SPATS2: variants seen among roughly 807,000 people sequenced by gnomAD.
SPATS2 encodes spermatogenesis associated serine rich 2.
In SPATS2, 38 loss-of-function variants were observed where a neutral mutation model predicts 63.7. That is an observed-to-expected ratio of 0.60 (90% CI 0.46 to 0.78). SPATS2 has a LOEUF of 0.78. Ranked by LOEUF, SPATS2 falls within the 30% of genes least tolerant of loss-of-function variation. The pLI, the probability that SPATS2 is intolerant of heterozygous loss-of-function variation, is 0.00. For synonymous variants in SPATS2, 207 were observed against 232.9 expected, an observed-to-expected ratio of 0.89 and a Z score of 1.01; for missense variants, 588 against 666.2, an observed-to-expected ratio of 0.88 and a Z score of 1.29.
rs374707197 is a variant in SPATS2 at position 49,455,507 on chromosome 12, A to C, written c.-243-5263A>C. ...TCTGCAGCCTCAGCTTCCCGGGCTC[A>C]AGCAGTGCCCCCACCTTAGCCTTCC... On this transcript the variant is annotated intron_variant, in intron 2 of 13. Coordinates refer to ENST00000552918, the MANE Select transcript of SPATS2 (RefSeq NM_023071.4). Among the ~76,000 whole-genome samples, 72 of 152,324 alleles carry C rather than the reference A, an allele frequency of 4.7e-4. No homozygotes were observed. The South Asian group carries it at 0.012, about 26-fold the overall frequency.
chr12:49,517,928 G>A (rs1223063626), intron 10 of SPATS2, among the ~76,000 whole-genome samples: 1 of 152,078 alleles, frequency 6.6e-6, no homozygotes, highest in African/African-American at 2.4e-5. Flanking sequence ...TCAGCTAATG[G>A]TCTTTGCTAC....
At chr12:49,431,841 T>C (rs1945191379) in intron 2 of SPATS2, among the ~76,000 whole-genome samples, 1 of 151,910 alleles carries the variant, frequency 6.6e-6, no homozygotes, top group South Asian at 2.1e-4. Flanking sequence ...GAGACCAGCA[T>C]GAGCAACATA....
At chr12:49,388,407 T>G (rs1284653350) in intron 2 of SPATS2, among the ~76,000 whole-genome samples, 1 of 151,934 alleles carries the variant, frequency 6.6e-6, no homozygotes, top group African/African-American at 2.4e-5. Flanking sequence ...AGGGTCTCTC[T>G]CTGTCACCCT....
intron 2 of SPATS2, among the ~76,000 whole-genome samples, chr12:49,374,089 TAA>T (rs553761283): frequency 6.9e-6 from 1 of 144,180 alleles, no homozygotes. Flanking sequence ...CTCTAAACAA[TAA>T]AAAAAAAAAA....
rs1362410540 is a variant in SPATS2 at position 49,494,924 on chromosome 12, G to A, written c.448G>A (p.Gly150Ser). 1.2e-6 allele frequency: 2 copies of A among 1,614,028 alleles called. No homozygotes were observed. The highest frequency in any genetic ancestry group is 8.5e-7 in the Non-Finnish European group (1 of 1,180,000). ...DTESVDSLSE[G>S]LETLSIDARE... The stretch of plus-strand genomic sequence containing the variant: ...TGAGTCTGTGGACTCACTCAGTGAA[G>A]GTTTGGAGACACTTTCAATAGATGC... Residue 150 changes from glycine (G) to serine (S), a missense_variant, in exon 7 of 14, where the codon GGT (glycine) becomes AGT (serine). By Grantham distance (56) the Gly-to-Ser change is moderately conservative. Transcript: ENST00000552918.
chr12:49,389,804 C>A, intron 2 of SPATS2: 1 of 1,063,434 alleles, frequency 9.4e-7, no homozygotes, highest in Non-Finnish European at 1.5e-6. Flanking sequence ...ATCAGTCGGC[C>A]TTGGAACTTA....
At chr12:49,460,740 G>C (rs1945807815) in intron 2 of SPATS2, 30 bp from the exon 3 acceptor site, 1 of 488,040 alleles carries the variant, frequency 2.0e-6, no homozygotes, top group Non-Finnish European at 3.7e-6. Flanking sequence ...TACTGTAATA[G>C]TATATGTGTG....
At position 49,433,992 on chromosome 12, in the gene SPATS2, C is replaced by A. The variant is rs4127744; in HGVS notation, c.-243-26778C>A. On this transcript the variant is annotated intron_variant, in intron 2 of 13. Transcript: ENST00000552918. ...GTAACGGTCCAGCTTCATTCTTTTG[C>A]ATGTAGATATCCAGTTTTCCCAACG... Among the ~76,000 whole-genome samples the A allele has an allele frequency of 4.9e-3, 753 of 152,262 alleles. 6 individuals carry two copies. The highest frequency in any genetic ancestry group is 0.017 in the African/African-American group (701 of 41,550).
intron 3 of SPATS2, among the ~76,000 whole-genome samples, chr12:49,467,065 T>G (rs1945932195): frequency 7.0e-6 from 1 of 143,504 alleles, no homozygotes; most frequent in African/African-American, 2.6e-5. Flanking sequence ...TTTTTTTTTT[T>G]TTTTTGATGG....
intron 2 of SPATS2, among the ~76,000 whole-genome samples, chr12:49,413,454 G>A (rs187611504): frequency 2.0e-5 from 3 of 151,986 alleles, no homozygotes; most frequent in African/African-American, 7.2e-5. Context: ...GGAACTCCTG[G>A]GTTCAAGTGA....
chr12:49,446,968 G>A (rs1185446012), intron 2 of SPATS2, among the ~76,000 whole-genome samples: 10 of 148,054 alleles, frequency 6.8e-5, no homozygotes, highest in African/African-American at 1.8e-4. Flanking sequence ...TTACTCTGTC[G>A]CCCAGGCTGG....
chr12:49,409,760 AC>A (rs1313278733), intron 2 of SPATS2, among the ~76,000 whole-genome samples: 2 of 150,600 alleles, frequency 1.3e-5, no homozygotes, highest in East Asian at 4.0e-4. Context: ...GCTCCATGAC[AC>A]CCGGCTAATT....
chr12:49,450,328 C>A (rs1224874118), intron 2 of SPATS2, among the ~76,000 whole-genome samples: 1 of 151,960 alleles, frequency 6.6e-6, no homozygotes, highest in Non-Finnish European at 1.5e-5. Context: ...CGGCTCACTG[C>A]AAGCTCCACC....
chr12:49,467,044 GTTTTTTTTTT>G (rs59350335), intron 3 of SPATS2, among the ~76,000 whole-genome samples: 6 of 75,768 alleles, frequency 7.9e-5, no homozygotes, highest in East Asian at 3.9e-4. Flanking sequence ...TTTGTTCTTT[GTTTTTTTTTT>G]TTTTTTTTTT....
At chr12:49,510,292 C>T (rs117238595) in intron 9 of SPATS2, among the ~76,000 whole-genome samples, 11 of 149,360 alleles carry the variant, frequency 7.4e-5, no homozygotes, top group South Asian at 6.4e-4. Flanking sequence ...CCAGGTACAG[C>T]GGTTCATGCC....
intron 2 of SPATS2, among the ~76,000 whole-genome samples, chr12:49,402,567 G>A (rs776160991): frequency 3.3e-5 from 5 of 152,142 alleles, no homozygotes; most frequent in South Asian, 2.1e-4. Context: ...CGAGATTGTC[G>A]TATGAGAGGT....
intron 10 of SPATS2, 97 bp downstream of exon 10, chr12:49,514,710 A>T: frequency 9.9e-7 from 1 of 1,008,446 alleles, no homozygotes; most frequent in Non-Finnish European, 1.5e-6. Context: ...AAATACCATA[A>T]TAAGAGTTTA....
At chr12:49,400,077 T>TA (rs1415340435) in intron 2 of SPATS2, among the ~76,000 whole-genome samples, 1 of 152,196 alleles carries the variant, frequency 6.6e-6, no homozygotes, top group African/African-American at 2.4e-5. Flanking sequence ...CAGGCACTGT[T>TA]AGAGTTACAG....
At chr12:49,466,068 T>C (rs1157618328) in intron 3 of SPATS2, among the ~76,000 whole-genome samples, 1 of 152,030 alleles carries the variant, frequency 6.6e-6, no homozygotes, top group Non-Finnish European at 1.5e-5. Flanking sequence ...GAGAATTCTC[T>C]GCCTAACTCA....
Sources: gnomAD v4.1 joint callset for allele counts (sites outside exome capture counted in the v4.1 genomes callset) on GRCh38, gnomAD v4.1.1 for gene constraint, MANE v1.5 for transcripts, NCBI Gene and HGNC (gene_info 2026-07-23, HGNC 2026-07-21) for gene names.